The following FAM135B variants were observed in gnomAD, a reference collection of about 807,000 sequenced individuals.
The protein encoded by FAM135B is protein FAM135B.
FAM135B carries 43 observed loss-of-function variants against 127.7 expected under a neutral mutation model. The ratio of observed to expected loss-of-function variants is 0.34; its 90% CI spans 0.26 to 0.43. FAM135B has a LOEUF of 0.43. Among genes scored for constraint, FAM135B ranks in the 20% least tolerant of loss-of-function variants. The pLI is 1.00. For missense variants in FAM135B, 1,558 were observed against 1,725.6 expected (o/e 0.90, Z 1.72); for synonymous variants, 670 against 665.1 (o/e 1.01, Z -0.11).
intron 2 of FAM135B, among the ~76,000 whole-genome samples, chr8:138,345,473 A>G (rs904555570): frequency 2.0e-5 from 3 of 152,212 alleles, no homozygotes; most frequent in Admixed American, 2.0e-4. Flanking sequence ...AACTCCGGGT[A>G]ATTCTAAACG....
At chr8:138,164,976 T>C (rs548938714) in intron 12 of FAM135B, among the ~76,000 whole-genome samples, 1 of 152,298 alleles carries the variant, frequency 6.6e-6, no homozygotes, top group East Asian at 1.9e-4. Flanking sequence ...CCATGTCTTG[T>C]TGCTGTTTGA....
chr8:138,331,615 A>G (rs1036219194), intron 2 of FAM135B, among the ~76,000 whole-genome samples: 1 of 152,062 alleles, frequency 6.6e-6, no homozygotes, highest in Non-Finnish European at 1.5e-5. Context: ...AGATAAGCAC[A>G]ACACAGTCAA....
At chr8:138,291,667 A>G (rs903965108) in intron 3 of FAM135B, among the ~76,000 whole-genome samples, 1 of 152,200 alleles carries the variant, frequency 6.6e-6, no homozygotes, top group Non-Finnish European at 1.5e-5. Flanking sequence ...ACAGCATATC[A>G]ACAGAATGAA....
rs777634043 is a variant in FAM135B, at chr8:138,269,076, C to T, written c.158-3234G>A. ...TCAGGTTTCAGCTGCACAAAGAATA[C>T]GTTCCAAACAACTTAACACAGAATT... On this transcript the variant is annotated intron_variant, in intron 3 of 19. Transcript: ENST00000395297. Among the ~76,000 whole-genome samples the T allele has an allele frequency of 1.4e-4, 22 of 152,282 alleles. No individual in the cohort carries two copies. In the South Asian group the frequency reaches 2.5e-3, roughly 17 times the overall value.
At chr8:138,212,232 C>A (rs1331684760) in intron 7 of FAM135B, among the ~76,000 whole-genome samples, 1 of 152,086 alleles carries the variant, frequency 6.6e-6, no homozygotes, top group East Asian at 1.9e-4. Context: ...ACATAGAAGA[C>A]AGGTATGCAG....
At chr8:138,177,224 GA>G in intron 11 of FAM135B, 122 bp downstream of exon 11, 1 of 832,422 alleles carries the variant, frequency 1.2e-6, no homozygotes, top group Non-Finnish European at 1.9e-6. Context: ...AATGCAGACA[GA>G]AAGTGCAGAG....
intron 3 of FAM135B, among the ~76,000 whole-genome samples, chr8:138,266,275 C>T (rs944784258): frequency 3.3e-5 from 5 of 152,102 alleles, no homozygotes; most frequent in African/African-American, 1.2e-4. Flanking sequence ...AGAGTCTCTC[C>T]CTTCTCAAAG....
chr8:138,359,947 C>A (rs1830317546), intron 2 of FAM135B, among the ~76,000 whole-genome samples: 2 of 152,236 alleles, frequency 1.3e-5, no homozygotes, highest in South Asian at 4.2e-4. Context: ...TTTCTATGAG[C>A]CTTCACACTT....
chr8:138,305,614 C>T (rs1009401708), intron 3 of FAM135B, among the ~76,000 whole-genome samples: 7 of 152,166 alleles, frequency 4.6e-5, no homozygotes, highest in Non-Finnish European at 1.0e-4. Flanking sequence ...TGTCTTACAC[C>T]TGTTTTATCT....
intron 3 of FAM135B, among the ~76,000 whole-genome samples, chr8:138,304,957 C>T (rs1395686395): frequency 6.6e-6 from 1 of 152,208 alleles, no homozygotes; most frequent in African/African-American, 2.4e-5. Flanking sequence ...CCCTGCCGGC[C>T]ACCCTGCCGG....
intron 2 of FAM135B, among the ~76,000 whole-genome samples, chr8:138,337,833 G>C (rs1828726475): frequency 6.6e-6 from 1 of 152,162 alleles, no homozygotes; most frequent in Non-Finnish European, 1.5e-5. Context: ...AAAGCTGGAG[G>C]CATCATGCTA....
At chr8:138,465,222 A>G (rs1587518533) in intron 1 of FAM135B, among the ~76,000 whole-genome samples, 1 of 152,302 alleles carries the variant, frequency 6.6e-6, no homozygotes, top group Non-Finnish European at 1.5e-5. Context: ...TGCACGTATC[A>G]GGTGTTTAGA....
intron 1 of FAM135B, among the ~76,000 whole-genome samples, chr8:138,467,012 C>T (rs1457500987): frequency 1.3e-5 from 2 of 152,142 alleles, no homozygotes; most frequent in East Asian, 3.9e-4. Context: ...GGTGATAAAA[C>T]ATCCTATCTG....
At chr8:138,209,421 G>A (rs11166797) in intron 7 of FAM135B, among the ~76,000 whole-genome samples, 18,102 of 152,136 alleles carry the variant, frequency 0.12, 1,361 homozygotes, top group East Asian at 0.38. Context: ...AGAGGAGGGC[G>A]TGACAAGCAC....
At chr8:138,359,705 C>T (rs1159413932) in intron 2 of FAM135B, among the ~76,000 whole-genome samples, 1 of 152,164 alleles carries the variant, frequency 6.6e-6, no homozygotes, top group African/African-American at 2.4e-5. Context: ...CAATTAATCA[C>T]TGGCAAGCAA....
At chr8:138,396,697 G>A (rs929520042) in intron 1 of FAM135B, among the ~76,000 whole-genome samples, 1 of 152,176 alleles carries the variant, frequency 6.6e-6, no homozygotes, top group South Asian at 2.1e-4. Flanking sequence ...GATCTTCCCT[G>A]AAGTCTTTTA....
rs1381941330 is a variant in FAM135B, at chr8:138,197,638, A to G, written c.701T>C (p.Met234Thr). Residue 234 changes from methionine (M) to threonine (T), a missense_variant, in exon 8 of 20, where the codon ATG becomes ACG. Met to Thr is a moderately conservative substitution (Grantham distance 81). Around this residue, in one of 5 missense-constraint regions of FAM135B, gnomAD observed 127 missense variants for 109.7 expected, o/e 1.16. Transcript: ENST00000395297. ...TCGGTGCCACTTGTGTGCGTGCTGC[A>G]TGCAGTTCTCAGAGGTGATGTAGAA... ...GSFYITSENC[M>T]QHAHKWHRDL... The G allele has an allele frequency of 6.2e-7, 1 of 1,614,220 alleles. No homozygotes were observed. Among genetic ancestry groups the G allele is most frequent in the Non-Finnish European group, 8.5e-7 (1 of 1,180,034 alleles).
At chr8:138,311,302 T>C (rs1454352616) in intron 2 of FAM135B, among the ~76,000 whole-genome samples, 1 of 152,228 alleles carries the variant, frequency 6.6e-6, no homozygotes, top group Non-Finnish European at 1.5e-5. Flanking sequence ...CATCTATAAA[T>C]TGAGTTTCTA....
At chr8:138,213,244 A>G (rs1238940165) in intron 7 of FAM135B, among the ~76,000 whole-genome samples, 1 of 152,218 alleles carries the variant, frequency 6.6e-6, no homozygotes, top group Non-Finnish European at 1.5e-5. Context: ...AAAAGATTAA[A>G]CTTAGAATAA....
Sources: allele counts gnomAD v4.1 joint callset (sites outside exome capture counted in the v4.1 genomes callset), GRCh38; gene constraint gnomAD v4.1.1; regional missense constraint gnomAD v4.1.1; transcripts MANE v1.5; gene names NCBI Gene and HGNC (gene_info 2026-07-23, HGNC 2026-07-21).